Variants in TESK2 observed in about 807,000 individuals in gnomAD.
TESK2 encodes the protein testis associated actin remodelling kinase 2.
TESK2 carries 39 observed loss-of-function variants against 57.1 expected under a neutral mutation model. That is an observed-to-expected ratio of 0.68 (90% confidence interval 0.53 to 0.89). TESK2 has a LOEUF of 0.89. TESK2 is among the 40% of genes least tolerant of loss of function. The probability of loss-of-function intolerance (pLI) is 0.00; values close to 1 mark genes in which losing one functional copy is unlikely to be tolerated. For synonymous variants in TESK2, 249 were observed against 267.9 expected, an observed-to-expected ratio of 0.93 and a Z score of 0.69; for missense variants, 646 against 732.1, an observed-to-expected ratio of 0.88 and a Z score of 1.36.
chr1:45,402,233 A>G (rs185616795), intron 3 of TESK2, among the ~76,000 whole-genome samples: 2 of 151,556 alleles, frequency 1.3e-5, no homozygotes, highest in African/African-American at 4.8e-5. Context: ...CTAAAAAAAT[A>G]AAAAAATTAA....
In TESK2 at chr1:45,345,431, C is replaced by T; in HGVS notation, c.1125G>A (p.Lys375=). The part of the protein sequence containing the change: ...SRSQSDIFSR[K]PPRTVSVLDP... Reference sequence around the variant, plus strand: ...CCAAGACACTCACTGTACGTGGGGGCTTACGGGAAAAGATATCTGACTGGC... The same window carrying T: ...CCAAGACACTCACTGTACGTGGGGGTTTACGGGAAAAGATATCTGACTGGC... The change falls in exon 11 of 11, where the codon AAG becomes AAA. Residue 375 remains lysine (K), a synonymous_variant. Coordinates refer to ENST00000372086, the MANE Select transcript of TESK2 (RefSeq NM_007170.3). The T allele has an allele frequency of 6.2e-7, 1 of 1,614,118 alleles. No individual in the cohort carries two copies. The highest frequency in any genetic ancestry group is 8.5e-7 in the Non-Finnish European group (1 of 1,180,028).
At chr1:45,430,952 T>A (rs1387869104) in intron 2 of TESK2, among the ~76,000 whole-genome samples, 1 of 152,160 alleles carries the variant, frequency 6.6e-6, no homozygotes, top group Non-Finnish European at 1.5e-5. Flanking sequence ...GACTTACACT[T>A]CCTGGACAAA....
chr1:45,457,700 TCTCCTCCACCAC>T lies in TESK2; in HGVS notation c.74_85del (p.Gly25_Gly28del). On this transcript the variant is annotated inframe_deletion, in exon 2 of 11. Coordinates refer to ENST00000372086, the MANE Select transcript of TESK2 (RefSeq NM_007170.3). ...TCTTCCCACCTGGCTCACATTTCCT[TCTCCTCCACCAC>T]CTCCTTCAAACTCTTCAAGACGCTC... 6.2e-7 allele frequency: 1 copy of T among 1,614,122 alleles called. No individual in the cohort carries two copies. The highest frequency in any genetic ancestry group is 2.2e-5 in the East Asian group (1 of 44,888).
chr1:45,421,575 A>G (rs1650479192), intron 3 of TESK2, 150 bp downstream of exon 3: 1 of 1,078,572 alleles, frequency 9.3e-7, no homozygotes, highest in Non-Finnish European at 1.3e-6. Context: ...CTCAATGGGT[A>G]GAAAACGACC....
Position 45,477,988 on chromosome 1 carries a change from C to T in TESK2, c.-87+12864G>A, listed in dbSNP as rs552616070. Among the ~76,000 whole-genome samples the T allele has an allele frequency of 3.0e-4, 45 of 152,182 alleles. 1 individual carries two copies. The highest frequency in any genetic ancestry group is 2.9e-3 in the Admixed American group (45 of 15,270). On this transcript the variant is annotated intron_variant, in intron 1 of 10. Transcript: ENST00000372086. ...TCTTTTTGGTCTTCCTAGCTCCACT[C>T]TCACACTTTTTTCAATCTGTTTCAC...
chr1:45,358,006 TAAAAAAA>T (rs760610185), intron 4 of TESK2, among the ~76,000 whole-genome samples: 31 of 24,274 alleles, frequency 1.3e-3, no homozygotes, highest in African/African-American at 3.4e-3. Flanking sequence ...AAACTCCGTC[TAAAAAAA>T]AAAAAAAAAA....
At chr1:45,368,123 T>C (rs1398449972) in intron 4 of TESK2, among the ~76,000 whole-genome samples, 1 of 149,048 alleles carries the variant, frequency 6.7e-6, no homozygotes, top group African/African-American at 2.5e-5. Flanking sequence ...GCCTCCCGAG[T>C]AGCTGGGATT....
chr1:45,348,503 G>T (rs1647182389), intron 5 of TESK2, among the ~76,000 whole-genome samples: 1 of 152,114 alleles, frequency 6.6e-6, no homozygotes, highest in African/African-American at 2.4e-5. Context: ...CTCTTCTCTG[G>T]CATTAAAAGT....
At chr1:45,346,389 A>G (rs1647143883) in intron 9 of TESK2, among the ~76,000 whole-genome samples, 1 of 152,218 alleles carries the variant, frequency 6.6e-6, no homozygotes, top group South Asian at 2.1e-4. Context: ...ATGCCTCAGG[A>G]CCAGTTGGAT....
At chr1:45,488,659 C>T (rs1283838252) in intron 1 of TESK2, among the ~76,000 whole-genome samples, 1 of 152,238 alleles carries the variant, frequency 6.6e-6, no homozygotes, top group Non-Finnish European at 1.5e-5. Flanking sequence ...ATCTATAAAG[C>T]ATCTTTATGT....
chr1:45,412,418 A>G (rs931481714), intron 3 of TESK2, among the ~76,000 whole-genome samples: 2 of 152,260 alleles, frequency 1.3e-5, no homozygotes, highest in African/African-American at 4.8e-5. Flanking sequence ...AGGATGGATA[A>G]CTGGAAAGAT....
intron 1 of TESK2, among the ~76,000 whole-genome samples, chr1:45,473,876 C>T (rs1426403106): frequency 1.3e-5 from 2 of 151,112 alleles, no homozygotes; most frequent in Non-Finnish European, 2.9e-5. Context: ...AGCTCATTTG[C>T]AGCCTCAAAC....
At chr1:45,414,276 A>G (rs2149284488) in intron 3 of TESK2, among the ~76,000 whole-genome samples, 1 of 152,220 alleles carries the variant, frequency 6.6e-6, no homozygotes, top group African/African-American at 2.4e-5. Flanking sequence ...TTTAAACCAC[A>G]GTATCTTTGA....
At chr1:45,459,683 A>C (rs1652254932) in intron 1 of TESK2, among the ~76,000 whole-genome samples, 1 of 152,138 alleles carries the variant, frequency 6.6e-6, no homozygotes, top group Non-Finnish European at 1.5e-5. Flanking sequence ...CTGTATGAAA[A>C]AATGTAAAAA....
At chr1:45,490,400 G>C (rs1225116467) in intron 1 of TESK2, among the ~76,000 whole-genome samples, 2 of 152,182 alleles carry the variant, frequency 1.3e-5, no homozygotes, top group African/African-American at 4.8e-5. Context: ...TAGGGTCTGA[G>C]GGGAGGGAAT....
intron 3 of TESK2, among the ~76,000 whole-genome samples, chr1:45,418,961 C>T (rs1050977040): frequency 6.6e-6 from 1 of 151,288 alleles, no homozygotes. Context: ...CAAGTCCCCT[C>T]CTAGAAGGCT....
intron 4 of TESK2, among the ~76,000 whole-genome samples, chr1:45,367,312 T>A (rs760921372): frequency 7.9e-5 from 12 of 151,708 alleles, no homozygotes; most frequent in Non-Finnish European, 4.4e-5. Context: ...AAGAAGGAAG[T>A]ATTCCAGCTG....
chr1:45,462,824 C>T (rs913245493), intron 1 of TESK2, among the ~76,000 whole-genome samples: 2 of 152,198 alleles, frequency 1.3e-5, no homozygotes, highest in Admixed American at 1.3e-4. Flanking sequence ...ATAGTGTTCT[C>T]CATAGTGGCT....
chr1:45,368,936 G>A (rs1242374413), intron 4 of TESK2, among the ~76,000 whole-genome samples: 2 of 150,948 alleles, frequency 1.3e-5, no homozygotes, highest in South Asian at 2.1e-4. Context: ...TGTGTTTTTA[G>A]TGGAGATGGG....
Sources: allele counts gnomAD v4.1 joint callset (sites outside exome capture counted in the v4.1 genomes callset), GRCh38; gene constraint gnomAD v4.1.1; transcripts MANE v1.5; gene names NCBI Gene and HGNC (gene_info 2026-07-23, HGNC 2026-07-21).